The following TMEM114 variants were observed in gnomAD, a reference collection of about 807,000 sequenced individuals.
The protein encoded by TMEM114 is claudin-26.
Under a neutral mutation model 6.2 loss-of-function variants are expected in TMEM114, and 6 were observed. The observed-to-expected ratio is 0.97, with a 90% confidence interval of 0.53 to 1.91. The LOEUF is 1.91. TMEM114 is among the 40% of genes most tolerant of loss of function. TMEM114 has a pLI of 0.01. For synonymous variants in TMEM114, 104 were observed against 73.0 expected (o/e 1.42, Z -2.16); for missense variants, 218 against 158.3 (o/e 1.38, Z -2.02).
At chr16:8,547,726 G>A (rs4787251) in intron 2 of TMEM114, among the ~76,000 whole-genome samples, 62,642 of 151,916 alleles carry the variant, frequency 0.41, 13,208 homozygotes, top group Middle Eastern at 0.58. Flanking sequence ...AGGTTGGCAA[G>A]GTTGTCTTCT....
chr16:8,564,131 T>A (rs185212750), intron 2 of TMEM114, among the ~76,000 whole-genome samples: 50 of 106,898 alleles, frequency 4.7e-4, no homozygotes, highest in African/African-American at 1.7e-3. Flanking sequence ...ATGAGTGAGT[T>A]AGTGAATGAG....
At chr16:8,573,858 C>T (rs939666248) in intron 2 of TMEM114, among the ~76,000 whole-genome samples, 1 of 152,156 alleles carries the variant, frequency 6.6e-6, no homozygotes, top group African/African-American at 2.4e-5. Context: ...ACTTTTATGT[C>T]TCACCTGACA....
chr16:8,542,212 C>T (rs1452014924), intron 2 of TMEM114, among the ~76,000 whole-genome samples: 4 of 152,132 alleles, frequency 2.6e-5, no homozygotes, highest in African/African-American at 7.2e-5. Context: ...CAAGATTTCT[C>T]CTGCTTCAGA....
intron 2 of TMEM114, among the ~76,000 whole-genome samples, chr16:8,545,942 C>G (rs1336528879): frequency 1.3e-5 from 2 of 152,172 alleles, no homozygotes; most frequent in East Asian, 3.9e-4. Context: ...TAGCAAGACC[C>G]TATCTCTACA....
At chr16:8,559,296 G>C (rs764124942) in intron 2 of TMEM114, among the ~76,000 whole-genome samples, 1 of 152,174 alleles carries the variant, frequency 6.6e-6, no homozygotes, top group Non-Finnish European at 1.5e-5. Flanking sequence ...GCCCACCTCA[G>C]CCTCCCAAAA....
intron 2 of TMEM114, among the ~76,000 whole-genome samples, chr16:8,560,549 T>C (rs577289774): frequency 6.6e-6 from 1 of 152,296 alleles, no homozygotes; most frequent in African/African-American, 2.4e-5. Context: ...GGGTTGTTTA[T>C]TCTCAAGGAA....
At chr16:8,544,164 CT>C (rs1900593781) in intron 2 of TMEM114, among the ~76,000 whole-genome samples, 1 of 152,160 alleles carries the variant, frequency 6.6e-6, no homozygotes, top group Non-Finnish European at 1.5e-5. Context: ...TAGCAAGCAA[CT>C]TTATATAGGC....
chr16:8,585,043 G>T (rs1207010356), intron 2 of TMEM114, among the ~76,000 whole-genome samples: 1 of 152,106 alleles, frequency 6.6e-6, no homozygotes, highest in Non-Finnish European at 1.5e-5. Context: ...CCACATGGCT[G>T]GGGAGGCCTC....
intron 2 of TMEM114, among the ~76,000 whole-genome samples, chr16:8,552,199 A>T (rs1341973357): frequency 6.7e-6 from 1 of 148,812 alleles, no homozygotes; most frequent in East Asian, 2.0e-4. Flanking sequence ...ACACAGCAAG[A>T]CCCTATCTCT....
downstream of TMEM114, among the ~76,000 whole-genome samples, chr16:8,566,900 T>G (rs1901564951): frequency 1.5e-5 from 2 of 131,646 alleles, no homozygotes; most frequent in African/African-American, 3.6e-5. Flanking sequence ...CACCCTGGTT[T>G]TTTTTTTTTT....
chr16:8,528,121 G>C, the TMEM114 span, among the ~76,000 whole-genome samples: 1 of 152,046 alleles, frequency 6.6e-6, no homozygotes, highest in African/African-American at 2.4e-5. Context: ...GGCTGTCCTT[G>C]AACTCCTGGG....
At chr16:8,548,282 G>T (rs894007395) in intron 2 of TMEM114, among the ~76,000 whole-genome samples, 12 of 152,174 alleles carry the variant, frequency 7.9e-5, no homozygotes, top group African/African-American at 2.9e-4. Flanking sequence ...GCTGTGAAAT[G>T]ATTCATTTGA....
chr16:8,569,039 C>G (rs543898366), downstream of TMEM114, among the ~76,000 whole-genome samples: 8 of 152,322 alleles, frequency 5.3e-5, no homozygotes, highest in East Asian at 3.9e-4. Context: ...CTCAGACACC[C>G]TGGGGGTGGC....
chr16:8,562,364 G>A (rs1013706061), intron 2 of TMEM114, among the ~76,000 whole-genome samples: 3 of 150,880 alleles, frequency 2.0e-5, no homozygotes, highest in African/African-American at 7.4e-5. Context: ...GAATTAGTGA[G>A]TGAATGAATG....
chr16:8,533,124 C>T (rs1300784649), downstream of TMEM114, among the ~76,000 whole-genome samples: 2 of 144,700 alleles, frequency 1.4e-5, no homozygotes, highest in Non-Finnish European at 3.0e-5. Flanking sequence ...CTGGAAGAGA[C>T]AGATAACCAA....
exon 3 of TMEM114, chr16:8,537,765 C>G (rs1308599385): frequency 6.6e-6 from 1 of 152,106 alleles, no homozygotes; most frequent in Non-Finnish European, 1.5e-5. Flanking sequence ...CAGAAGTTTT[C>G]CATTCTATTG....
At chr16:8,533,852 C>A (rs929294798), downstream of TMEM114, among the ~76,000 whole-genome samples, 5 of 152,150 alleles carry the variant, frequency 3.3e-5, no homozygotes, top group African/African-American at 1.2e-4. Flanking sequence ...TAAATGTGCT[C>A]CTTGGAAGAG....
chr16:8,578,216 TG>T (rs1902008792), intron 2 of TMEM114, among the ~76,000 whole-genome samples: 1 of 152,096 alleles, frequency 6.6e-6, no homozygotes, highest in African/African-American at 2.4e-5. Context: ...GCAAACTGGG[TG>T]GCTTCCAAGC....
At chr16:8,553,924 G>A (rs1900924880) in intron 2 of TMEM114, among the ~76,000 whole-genome samples, 1 of 151,302 alleles carries the variant, frequency 6.6e-6, no homozygotes, top group Non-Finnish European at 1.5e-5. Context: ...AGTCACCCAG[G>A]CTAGAGTACA....
Sources: allele counts gnomAD v4.1 joint callset (sites outside exome capture counted in the v4.1 genomes callset), GRCh38; gene constraint gnomAD v4.1.1; transcripts MANE v1.5; gene names NCBI Gene and HGNC (gene_info 2026-07-23, HGNC 2026-07-21).